The following DCC variants were observed in gnomAD, a reference collection of about 807,000 sequenced individuals.
DCC encodes the protein netrin receptor DCC.
A neutral mutation model predicts 172.5 loss-of-function variants in DCC; 58 were observed. The ratio of observed to expected loss-of-function variants is 0.34; its 90% CI spans 0.27 to 0.42. The LOEUF is 0.42. Among genes scored for constraint, DCC ranks in the 10% least tolerant of loss-of-function variants. DCC has a pLI of 1.00. For synonymous variants in DCC, 709 were observed against 644.5 expected, an observed-to-expected ratio of 1.10 and a Z score of -1.52; for missense variants, 1,740 against 1,791.0, an observed-to-expected ratio of 0.97 and a Z score of 0.51.
intron 5 of DCC, among the ~76,000 whole-genome samples, chr18:53,048,322 T>C (rs773756954): frequency 2.2e-4 from 34 of 152,048 alleles, no homozygotes; most frequent in Non-Finnish European, 4.4e-4. Flanking sequence ...TTCCGTTTTT[T>C]CTGTCCATGT....
intron 7 of DCC, among the ~76,000 whole-genome samples, chr18:53,070,530 A>G (rs1366615071): frequency 2.6e-5 from 4 of 152,182 alleles, no homozygotes; most frequent in East Asian, 1.9e-4. Flanking sequence ...AATTCATGGT[A>G]TCTTGCATTC....
chr18:52,774,835 A>G lies in DCC; in HGVS notation c.412+22461A>G, dbSNP rs9953767. Among the ~76,000 whole-genome samples, 122 of 152,282 alleles carry G rather than the reference A, an allele frequency of 8.0e-4. 1 individual carries two copies. Among genetic ancestry groups the G allele is most frequent in the African/African-American group, 2.7e-3 (112 of 41,560 alleles). ...AGGCATATATGACACCTCTAGGAATAGTTAGTGTGATTTACACCTTCGGCA... is the reference window on the plus strand; with the variant it reads ...AGGCATATATGACACCTCTAGGAATGGTTAGTGTGATTTACACCTTCGGCA... On this transcript the variant is annotated intron_variant, in intron 2 of 28. Transcript: ENST00000442544.
chr18:53,235,450 T>A (rs961103950), intron 12 of DCC, among the ~76,000 whole-genome samples: 1 of 152,204 alleles, frequency 6.6e-6, no homozygotes, highest in Non-Finnish European at 1.5e-5. Flanking sequence ...AAGTCACTAT[T>A]TCTTTCTGCA....
intron 12 of DCC, among the ~76,000 whole-genome samples, chr18:53,236,565 T>G (rs2056205854): frequency 6.6e-6 from 1 of 152,136 alleles, no homozygotes; most frequent in African/African-American, 2.4e-5. Flanking sequence ...CTTACCTTTT[T>G]ACTTTTTTAA....
At chr18:52,421,664 G>C (rs1987253557) in intron 1 of DCC, among the ~76,000 whole-genome samples, 2 of 152,178 alleles carry the variant, frequency 1.3e-5, no homozygotes, top group Non-Finnish European at 2.9e-5. Flanking sequence ...CACTGAATTT[G>C]CTTTGAAAAG....
At chr18:52,392,498 C>A (rs1986067201) in intron 1 of DCC, among the ~76,000 whole-genome samples, 1 of 151,924 alleles carries the variant, frequency 6.6e-6, no homozygotes, top group Non-Finnish European at 1.5e-5. Context: ...TATGTGTAAA[C>A]CCAATTCATA....
At chr18:52,629,676 C>A (rs947214983) in intron 1 of DCC, among the ~76,000 whole-genome samples, 3 of 151,952 alleles carry the variant, frequency 2.0e-5, no homozygotes, top group African/African-American at 7.3e-5. Flanking sequence ...TTAGTCCGGG[C>A]GCGGTGGCTC....
chr18:52,912,313 T>C (rs1383505578), intron 3 of DCC, among the ~76,000 whole-genome samples: 1 of 125,594 alleles, frequency 8.0e-6, no homozygotes, highest in African/African-American at 2.7e-5. Flanking sequence ...TCAGTAGCTA[T>C]TATAATTATC....
At chr18:53,228,836 A>G (rs1326935202) in intron 12 of DCC, among the ~76,000 whole-genome samples, 1 of 152,092 alleles carries the variant, frequency 6.6e-6, no homozygotes, top group East Asian at 1.9e-4. Context: ...ATTTTTCCCT[A>G]TTCCCCTAAC....
At chr18:52,788,160 G>A (rs527387519) in intron 2 of DCC, among the ~76,000 whole-genome samples, 1 of 152,190 alleles carries the variant, frequency 6.6e-6, no homozygotes, top group Admixed American at 6.5e-5. Flanking sequence ...AATGTGTTTA[G>A]CTTTATTATA....
chr18:53,206,627 A>G (rs2055651854), intron 10 of DCC, among the ~76,000 whole-genome samples: 1 of 116,676 alleles, frequency 8.6e-6, no homozygotes, highest in Non-Finnish European at 1.9e-5. Flanking sequence ...TATATAATAC[A>G]TATATGTATA....
Position 52,340,873 on chromosome 18 carries a change from T to G in DCC, c.86T>G (p.Val29Gly). The G allele has an allele frequency of 2.5e-6, 4 of 1,612,710 alleles. No individual in the cohort carries two copies. Among genetic ancestry groups the G allele is most frequent in the Non-Finnish European group, 3.4e-6 (4 of 1,178,722 alleles). Residue 29 changes from valine to glycine, a missense_variant, in exon 1 of 29, where the codon GTA (valine) becomes GGA (glycine). Coordinates refer to ENST00000442544, the MANE Select transcript of DCC (RefSeq NM_005215.4). ...TCCTTGTTCAGCGCGCATCTTCAAG[T>G]AACCGGTAAGTGGCTCTTTCCTTTC... is the stretch of plus-strand genomic sequence containing the variant. ...GASLFSAHLQ[V>G]TGFQIKAFTA...
intron 24 of DCC, among the ~76,000 whole-genome samples, chr18:53,461,875 C>G (rs1304337269): frequency 2.0e-5 from 3 of 152,172 alleles, no homozygotes; most frequent in Non-Finnish European, 4.4e-5. Flanking sequence ...ATATTTGGCT[C>G]TAGGGACTGG....
intron 1 of DCC, among the ~76,000 whole-genome samples, chr18:52,377,859 G>A (rs1464524244): frequency 2.6e-5 from 4 of 151,850 alleles, no homozygotes; most frequent in South Asian, 2.1e-4. Context: ...TGCATGCACC[G>A]CCACTAATTT....
intron 12 of DCC, among the ~76,000 whole-genome samples, chr18:53,219,418 A>G (rs1180215627): frequency 6.6e-6 from 1 of 152,122 alleles, no homozygotes; most frequent in Non-Finnish European, 1.5e-5. Context: ...TTGACTGAGC[A>G]CTACAGAGTG....
intron 7 of DCC, among the ~76,000 whole-genome samples, chr18:53,101,966 C>T (rs2043179914): frequency 6.6e-6 from 1 of 152,108 alleles, no homozygotes; most frequent in Non-Finnish European, 1.5e-5. Flanking sequence ...GGGCATATCT[C>T]CTCTGCTTTC....
chr18:53,364,783 C>A (rs2057984199), intron 15 of DCC, among the ~76,000 whole-genome samples: 1 of 152,038 alleles, frequency 6.6e-6, no homozygotes, highest in Non-Finnish European at 1.5e-5. Flanking sequence ...AATTTATGAA[C>A]ATTAGACATC....
chr18:53,051,004 A>G (rs1039356034), intron 5 of DCC, among the ~76,000 whole-genome samples: 33 of 152,110 alleles, frequency 2.2e-4, no homozygotes, highest in African/African-American at 7.5e-4. Flanking sequence ...CTGAGGCAGG[A>G]GGACTGCTTG....
chr18:53,298,133 T>C (rs1024778323), intron 12 of DCC, among the ~76,000 whole-genome samples: 5 of 152,124 alleles, frequency 3.3e-5, no homozygotes, highest in Admixed American at 6.5e-5. Context: ...ACTTATGTAA[T>C]CATTAGTATA....
Sources: gnomAD v4.1 joint callset for allele counts (sites outside exome capture counted in the v4.1 genomes callset) on GRCh38, gnomAD v4.1.1 for gene constraint, MANE v1.5 for transcripts, NCBI Gene and HGNC (gene_info 2026-07-23, HGNC 2026-07-21) for gene names.